The following CHST9 variants were observed in gnomAD, a reference collection of about 807,000 sequenced individuals.
CHST9 encodes GalNAc-4-sulfotransferase 2.
Under a neutral mutation model 44.4 loss-of-function variants are expected in CHST9, and 41 were observed. That is an observed-to-expected ratio of 0.92 (90% CI 0.72 to 1.20). CHST9 has a LOEUF of 1.20. Ranked by LOEUF, CHST9 falls within the 50% of genes most tolerant of loss-of-function variation. The pLI is 0.00. For synonymous variants in CHST9, 171 were observed against 178.4 expected (o/e 0.96, Z 0.33); for missense variants, 504 against 516.5 (o/e 0.98, Z 0.23).
chr18:26,955,273 A>G (rs1396425359), intron 4 of CHST9, among the ~76,000 whole-genome samples: 3 of 139,838 alleles, frequency 2.1e-5, no homozygotes, highest in Non-Finnish European at 3.1e-5. Flanking sequence ...ATAGTTCTGT[A>G]TTAGGAATAC....
intron 5 of CHST9, among the ~76,000 whole-genome samples, chr18:26,922,041 A>C (rs1321121262): frequency 6.6e-6 from 1 of 152,104 alleles, no homozygotes; most frequent in Non-Finnish European, 1.5e-5. Flanking sequence ...TTCTTCCCCA[A>C]ACATTTTGTT....
chr18:27,094,936 T>C (rs1464612992), intron 2 of CHST9, among the ~76,000 whole-genome samples: 1 of 152,212 alleles, frequency 6.6e-6, no homozygotes, highest in Admixed American at 6.5e-5. Flanking sequence ...GTTAAGTGAT[T>C]TGAACAATTT....
At chr18:27,117,663 G>T (rs1007754937) in intron 2 of CHST9, among the ~76,000 whole-genome samples, 4 of 151,842 alleles carry the variant, frequency 2.6e-5, no homozygotes, top group Admixed American at 6.6e-5. Context: ...TTTCAGATTG[G>T]GTTCTTTCAT....
chr18:26,964,925 G>T (rs2056445700), intron 4 of CHST9, among the ~76,000 whole-genome samples: 1 of 152,184 alleles, frequency 6.6e-6, no homozygotes, highest in African/African-American at 2.4e-5. Flanking sequence ...AAGATGGGAG[G>T]TCTTTCTGCC....
At chr18:26,938,523 C>T (rs2145104194) in intron 5 of CHST9, among the ~76,000 whole-genome samples, 1 of 152,258 alleles carries the variant, frequency 6.6e-6, no homozygotes, top group South Asian at 2.1e-4. Flanking sequence ...AAAATTGTCT[C>T]CTTGAGTGCG....
chr18:26,988,036 T>C (rs752336337), intron 4 of CHST9, among the ~76,000 whole-genome samples: 1 of 151,992 alleles, frequency 6.6e-6, no homozygotes, highest in Non-Finnish European at 1.5e-5. Flanking sequence ...AAGTTAATGA[T>C]GCATATCTAC....
chr18:27,025,624 T>C (rs139577775), intron 3 of CHST9, among the ~76,000 whole-genome samples: 4 of 152,322 alleles, frequency 2.6e-5, no homozygotes, highest in Non-Finnish European at 4.4e-5. Flanking sequence ...GATTTAGTAA[T>C]ATCTGCATTT....
chr18:27,116,822 G>A (rs1229243239), intron 2 of CHST9, among the ~76,000 whole-genome samples: 3 of 152,050 alleles, frequency 2.0e-5, no homozygotes, highest in Non-Finnish European at 2.9e-5. Flanking sequence ...TTTGTTAAAT[G>A]TATCCTTAAT....
At chr18:26,969,522 G>A (rs1327255481) in intron 4 of CHST9, among the ~76,000 whole-genome samples, 2 of 152,090 alleles carry the variant, frequency 1.3e-5, no homozygotes, top group African/African-American at 4.8e-5. Context: ...CCACAAAATA[G>A]TTCTTGAAAA....
intron 2 of CHST9, among the ~76,000 whole-genome samples, chr18:27,113,330 A>C (rs1221585956): frequency 6.6e-6 from 1 of 152,102 alleles, no homozygotes; most frequent in African/African-American, 2.4e-5. Context: ...CATTTTCTTT[A>C]CTCAGCTGGT....
chr18:27,073,443 T>TG (rs1386975707), intron 2 of CHST9, among the ~76,000 whole-genome samples: 1 of 151,272 alleles, frequency 6.6e-6, no homozygotes. Context: ...TGGGTCAAAG[T>TG]GGGGAAGTGA....
intron 5 of CHST9, among the ~76,000 whole-genome samples, chr18:26,920,768 GT>G (rs1189288825): frequency 2.0e-5 from 3 of 152,212 alleles, no homozygotes; most frequent in African/African-American, 7.2e-5. Flanking sequence ...GAGAATCTGT[GT>G]TTAAATAAAC....
intron 4 of CHST9, among the ~76,000 whole-genome samples, chr18:27,007,235 G>A (rs2057027454): frequency 6.6e-6 from 1 of 152,180 alleles, no homozygotes; most frequent in Admixed American, 6.6e-5. Context: ...CATAGTCAGT[G>A]AGAGATGGTG....
intron 2 of CHST9, among the ~76,000 whole-genome samples, chr18:27,137,950 C>T (rs1255845874): frequency 2.6e-5 from 4 of 152,188 alleles, no homozygotes; most frequent in East Asian, 1.9e-4. Flanking sequence ...CTGCATCATA[C>T]GCATAGCTCC....
At chr18:27,056,306 C>T (rs991337237) in intron 2 of CHST9, among the ~76,000 whole-genome samples, 7 of 152,006 alleles carry the variant, frequency 4.6e-5, no homozygotes, top group African/African-American at 1.7e-4. Context: ...TGAAGGCAGG[C>T]TCAGAATCTT....
chr18:26,940,817 G>A (rs752559466), intron 5 of CHST9, among the ~76,000 whole-genome samples: 1 of 152,182 alleles, frequency 6.6e-6, no homozygotes, highest in East Asian at 1.9e-4. Flanking sequence ...TAGGGTCTTT[G>A]CAACTGCAAT....
At chr18:26,988,110 G>A (rs1250017469) in intron 4 of CHST9, among the ~76,000 whole-genome samples, 2 of 151,858 alleles carry the variant, frequency 1.3e-5, no homozygotes, top group Non-Finnish European at 2.9e-5. Context: ...TTAAAAAATC[G>A]ATTAATCCAA....
intron 5 of CHST9, among the ~76,000 whole-genome samples, chr18:26,937,166 T>C (rs376256277): frequency 6.6e-6 from 1 of 152,306 alleles, no homozygotes; most frequent in East Asian, 1.9e-4. Flanking sequence ...ATGTATACTT[T>C]TTTCCCCTCT....
chr18:26,960,829 G>A (rs1265758889), intron 4 of CHST9, among the ~76,000 whole-genome samples: 2 of 152,156 alleles, frequency 1.3e-5, no homozygotes, highest in Non-Finnish European at 2.9e-5. Flanking sequence ...CACTATGCCA[G>A]GACTTCTTTC....
Sources: allele counts gnomAD v4.1 joint callset (sites outside exome capture counted in the v4.1 genomes callset), GRCh38; gene constraint gnomAD v4.1.1; transcripts MANE v1.5; gene names NCBI Gene and HGNC (gene_info 2026-07-23, HGNC 2026-07-21).